KIF26B: variants seen among roughly 807,000 people sequenced by gnomAD.
KIF26B encodes kinesin family member 26B, also known as kinesin-like protein KIF26B.
A neutral mutation model predicts 151.2 loss-of-function variants in KIF26B; 63 were observed. The ratio of observed to expected loss-of-function variants is 0.42; its 90% CI spans 0.34 to 0.51. The LOEUF is 0.51. Ranked by LOEUF, KIF26B falls within the 20% of genes least tolerant of loss-of-function variation. The probability of loss-of-function intolerance (pLI) is 0.07; values close to 1 mark genes in which losing one functional copy is unlikely to be tolerated. For missense variants in KIF26B, 2,813 were observed against 2,913.6 expected (o/e 0.97, Z 0.79); for synonymous variants, 1,357 against 1,262.1 (o/e 1.08, Z -1.59).
intron 2 of KIF26B, among the ~76,000 whole-genome samples, chr1:245,303,324 G>C (rs1044008112): frequency 1.4e-5 from 2 of 147,092 alleles, no homozygotes; most frequent in Admixed American, 1.4e-4. Flanking sequence ...TCAGCCTCCC[G>C]AGTAGCTGGG....
Position 245,322,674 on chromosome 1 carries a change from G to C in KIF26B, c.466-44160G>C, listed in dbSNP as rs529096053. On this transcript the variant is annotated intron_variant, in intron 2 of 14. Transcript: ENST00000407071. ...TTTAAACATTATTGTGTTTTCTGCT[G>C]TTTGGGTAGTGGTTGTTTATAATTA... Among the ~76,000 whole-genome samples the C allele has an allele frequency of 9.8e-5, 15 of 152,302 alleles. No individual in the cohort carries two copies. The South Asian group carries it at 2.9e-3, about 30-fold the overall frequency.
chr1:245,536,947 A>G (rs183055696), intron 4 of KIF26B, among the ~76,000 whole-genome samples: 2 of 152,352 alleles, frequency 1.3e-5, no homozygotes, highest in South Asian at 2.1e-4. Context: ...GCTCTACAGC[A>G]TCACTTCCAT....
intron 2 of KIF26B, among the ~76,000 whole-genome samples, chr1:245,278,503 G>C (rs781225290): frequency 6.6e-6 from 1 of 152,138 alleles, no homozygotes; most frequent in East Asian, 1.9e-4. Flanking sequence ...TCTCTTTTGG[G>C]CATGAACAGT....
At chr1:245,660,989 CTTTTTT>C (rs35859643) in intron 10 of KIF26B, among the ~76,000 whole-genome samples, 9 of 138,806 alleles carry the variant, frequency 6.5e-5, no homozygotes, top group East Asian at 2.2e-4. Flanking sequence ...TTTCTTTTTT[CTTTTTT>C]TTTTTTTTGG....
At chr1:245,605,187 G>A (rs1007221456) in intron 6 of KIF26B, among the ~76,000 whole-genome samples, 1 of 151,524 alleles carries the variant, frequency 6.6e-6, no homozygotes, top group Non-Finnish European at 1.5e-5. Context: ...GATTCCTCGA[G>A]TTGACACACA....
Position 245,698,017 on chromosome 1 carries a change from G to A in KIF26B, c.5825-89G>A, listed in dbSNP as rs546975060. The A allele has an allele frequency of 3.6e-5, 45 of 1,237,478 alleles. No individual in the cohort carries two copies. The African/African-American group carries it at 6.5e-4, about 18-fold the overall frequency. The allele number at this position is 1,237,478 out of a possible 1,614,324, so 76.7% of individuals were successfully genotyped here. A position where few individuals can be genotyped will look rare whatever the true frequency, so the allele number is the denominator to read the frequency against. On this transcript the variant is annotated intron_variant, in intron 12 of 14. Coordinates refer to ENST00000407071, the MANE Select transcript of KIF26B (RefSeq NM_018012.4). This position sits in a 1 kb window ranked among gnomAD's most constrained non-coding sequence, Gnocchi z 4.0. ...GGATCGCACCACTGCACTCCAGCCT[G>A]GGCAACAGAGCAAGACCCTGTCTCA...
At chr1:245,456,039 G>A (rs1659510990) in intron 4 of KIF26B, among the ~76,000 whole-genome samples, 1 of 152,116 alleles carries the variant, frequency 6.6e-6, no homozygotes, top group Non-Finnish European at 1.5e-5. Flanking sequence ...CATGATTCCA[G>A]GAGTCAGGGA....
At chr1:245,200,332 A>G (rs1669275697) in intron 2 of KIF26B, among the ~76,000 whole-genome samples, 1 of 152,224 alleles carries the variant, frequency 6.6e-6, no homozygotes, top group South Asian at 2.1e-4. Context: ...CATCTTGTCT[A>G]GAGCTCTGAT....
chr1:245,654,410 G>A lies in KIF26B; in HGVS notation c.2258+8130G>A, dbSNP rs189834754. ...TGCAGGGCTCCGGGTAGATTAGAAG[G>A]CATCCTAACCTCAGTAAATGGCTGT... On this transcript the variant is annotated intron_variant, in intron 10 of 14. Coordinates refer to ENST00000407071, the MANE Select transcript of KIF26B (RefSeq NM_018012.4). 2.8e-4 allele frequency among the ~76,000 whole-genome samples: 42 copies of A among 152,226 alleles called. No homozygotes were observed. The East Asian group carries it at 6.9e-3, about 25-fold the overall frequency.
intron 4 of KIF26B, among the ~76,000 whole-genome samples, chr1:245,451,156 C>CT (rs1383856517): frequency 5.9e-5 from 9 of 151,380 alleles, no homozygotes; most frequent in Non-Finnish European, 1.2e-4. Flanking sequence ...TTATGTTATT[C>CT]TTTTTTGTAA....
chr1:245,441,542 C>T (rs1486501868), intron 4 of KIF26B, among the ~76,000 whole-genome samples: 2 of 151,954 alleles, frequency 1.3e-5, no homozygotes, highest in Non-Finnish European at 1.5e-5. Flanking sequence ...TCCGCCGGCT[C>T]CTGGGAGGGG....
At chr1:245,648,748 C>A in intron 10 of KIF26B, among the ~76,000 whole-genome samples, 1 of 152,226 alleles carries the variant, frequency 6.6e-6, no homozygotes, top group East Asian at 1.9e-4. Context: ...GGAGACATCT[C>A]CACTCACCAG....
At chr1:245,433,443 G>A (rs1035637759) in intron 4 of KIF26B, among the ~76,000 whole-genome samples, 2 of 150,100 alleles carry the variant, frequency 1.3e-5, no homozygotes, top group Non-Finnish European at 3.0e-5. Context: ...CTCCAGCCTG[G>A]GTGACACAGC....
At chr1:245,315,577 C>G (rs900005910) in intron 2 of KIF26B, among the ~76,000 whole-genome samples, 17 of 151,956 alleles carry the variant, frequency 1.1e-4, no homozygotes, top group African/African-American at 4.1e-4. Flanking sequence ...CACAAATTAG[C>G]TGGACATGGT....
rs201335723 is a variant in KIF26B, at chr1:245,698,140, C to G, written c.5859C>G (p.Ser1953=). ...GACGGAGGCTTATCCCAGCACTATCCCTGGACACCTCTTCCCCTGTGAGAA... is the reference window on the plus strand; with the variant it reads ...GACGGAGGCTTATCCCAGCACTATCGCTGGACACCTCTTCCCCTGTGAGAA... The part of the protein sequence containing the change: ...SQRRRLIPAL[S]LDTSSPVRKP... The change falls in exon 13 of 15, where the codon TCC becomes TCG. Residue 1953 remains serine, a synonymous_variant. Transcript: ENST00000407071. The surrounding 1 kb of genome is among the most constrained non-coding windows in gnomAD (Gnocchi z 4.0). 7.4e-6 allele frequency: 12 copies of G among 1,613,998 alleles called. No homozygotes were observed. The African/African-American group carries it at 1.1e-4, about 14-fold the overall frequency.
At chr1:245,320,060 A>T (rs186960507) in intron 2 of KIF26B, among the ~76,000 whole-genome samples, 1 of 152,324 alleles carries the variant, frequency 6.6e-6, no homozygotes, top group East Asian at 1.9e-4. Flanking sequence ...TTTGGACATT[A>T]TGATGGTCCA....
intron 5 of KIF26B, among the ~76,000 whole-genome samples, chr1:245,600,305 T>A (rs2103144082): frequency 6.9e-6 from 1 of 144,144 alleles, no homozygotes; most frequent in South Asian, 2.3e-4. Flanking sequence ...CCCAAAGTGC[T>A]GGGATTACAG....
intron 4 of KIF26B, among the ~76,000 whole-genome samples, chr1:245,500,003 T>C (rs1232218575): frequency 6.6e-6 from 1 of 152,254 alleles, no homozygotes; most frequent in Non-Finnish European, 1.5e-5. Context: ...ATGCGCACTT[T>C]GTTTTAGGCT....
At chr1:245,230,154 CA>C (rs1178666462) in intron 2 of KIF26B, among the ~76,000 whole-genome samples, 3,401 of 68,922 alleles carry the variant, frequency 0.049, 99 homozygotes, top group African/African-American at 0.12. Flanking sequence ...AAACAAAAAG[CA>C]AAAAAAAAAA....
Sources: gnomAD v4.1 joint callset for allele counts (sites outside exome capture counted in the v4.1 genomes callset) on GRCh38, gnomAD v4.1.1 for gene constraint, Gnocchi (gnomAD v3.1) non-coding constraint, MANE v1.5 for transcripts, NCBI Gene and HGNC (gene_info 2026-07-23, HGNC 2026-07-21) for gene names.